The following ST6GAL1 variants were observed in gnomAD, a reference collection of about 807,000 sequenced individuals.
ST6GAL1 encodes ST6 beta-galactoside alpha-2,6-sialyltransferase 1.
ST6GAL1 carries 20 observed loss-of-function variants against 38.0 expected under a neutral mutation model. The ratio of observed to expected loss-of-function variants is 0.53; its 90% CI spans 0.37 to 0.77. ST6GAL1 has a LOEUF of 0.77. Ranked by LOEUF, ST6GAL1 falls within the 30% of genes least tolerant of loss-of-function variation. The pLI is 0.00. For missense variants in ST6GAL1, 432 were observed against 496.4 expected, an observed-to-expected ratio of 0.87 and a Z score of 1.23; for synonymous variants, 196 against 188.2, an observed-to-expected ratio of 1.04 and a Z score of -0.34.
chr3:186,982,445 T>C (rs150353501), intron 2 of ST6GAL1, among the ~76,000 whole-genome samples: 3 of 152,328 alleles, frequency 2.0e-5, no homozygotes, highest in Non-Finnish European at 4.4e-5. Flanking sequence ...AGGGGGAATA[T>C]GTATCTTCAA....
At chr3:187,070,937 A>G (rs1291630355) in intron 5 of ST6GAL1, among the ~76,000 whole-genome samples, 3 of 152,198 alleles carry the variant, frequency 2.0e-5, no homozygotes, top group Non-Finnish European at 4.4e-5. Context: ...TCTCAAAGAT[A>G]TATTGAGGAA....
intron 5 of ST6GAL1, among the ~76,000 whole-genome samples, chr3:187,063,553 A>T (rs1718992705): frequency 6.6e-6 from 1 of 152,172 alleles, no homozygotes; most frequent in African/African-American, 2.4e-5. Context: ...TGATACATGG[A>T]TGGTAGGATC....
chr3:187,049,722 G>A (rs926507522), intron 4 of ST6GAL1, among the ~76,000 whole-genome samples: 2 of 152,138 alleles, frequency 1.3e-5, no homozygotes, highest in African/African-American at 4.8e-5. Flanking sequence ...TTACTCCATT[G>A]GAGCTTCTCA....
At chr3:187,057,509 C>A (rs537001740) in intron 5 of ST6GAL1, among the ~76,000 whole-genome samples, 1 of 152,216 alleles carries the variant, frequency 6.6e-6, no homozygotes, top group South Asian at 2.1e-4. Flanking sequence ...TGATGCTATT[C>A]CTTTCTGTTT....
At chr3:186,998,391 A>G (rs1395324880) in intron 2 of ST6GAL1, among the ~76,000 whole-genome samples, 2 of 152,228 alleles carry the variant, frequency 1.3e-5, no homozygotes, top group African/African-American at 2.4e-5. Context: ...GTAATAAAGT[A>G]AGCTAGGGAA....
intron 2 of ST6GAL1, among the ~76,000 whole-genome samples, chr3:187,017,083 C>A (rs1717140423): frequency 6.6e-6 from 1 of 152,162 alleles, no homozygotes; most frequent in Non-Finnish European, 1.5e-5. Context: ...TGTGGCCCTG[C>A]CATTTCCTCA....
At chr3:187,071,622 G>C (rs750597167) in intron 5 of ST6GAL1, among the ~76,000 whole-genome samples, 2 of 151,708 alleles carry the variant, frequency 1.3e-5, no homozygotes, top group African/African-American at 4.8e-5. Context: ...TTAGCCGGGC[G>C]TGGTGGCGGG....
intron 2 of ST6GAL1, among the ~76,000 whole-genome samples, chr3:186,990,265 C>T (rs1299411661): frequency 1.3e-5 from 2 of 152,142 alleles, no homozygotes; most frequent in Admixed American, 1.3e-4. Flanking sequence ...AACTCCTGAC[C>T]TCAAGTGATC....
intron 2 of ST6GAL1, among the ~76,000 whole-genome samples, chr3:186,985,665 C>T (rs1715891234): frequency 6.6e-6 from 1 of 150,830 alleles, no homozygotes; most frequent in Non-Finnish European, 1.5e-5. Flanking sequence ...GTCCCAGCTA[C>T]TCAGGAAGCT....
chr3:186,992,710 C>T (rs567261422), intron 2 of ST6GAL1, among the ~76,000 whole-genome samples: 3 of 152,206 alleles, frequency 2.0e-5, no homozygotes, highest in South Asian at 2.1e-4. Flanking sequence ...GCAGGAGAAT[C>T]GCTTGAACCT....
chr3:187,042,965 A>G lies in ST6GAL1; in HGVS notation c.262A>G (p.Lys88Glu), dbSNP rs1323988775. The G allele has an allele frequency of 1.7e-5, 27 of 1,614,200 alleles. 1 individual carries two copies. The highest frequency in any genetic ancestry group is 2.3e-5 in the Non-Finnish European group (27 of 1,180,036). Residue 88 changes from lysine to glutamate, a missense_variant, in exon 4 of 8, where the codon AAA becomes GAA. Coordinates refer to ENST00000169298, the MANE Select transcript of ST6GAL1 (RefSeq NM_173216.2). ...CAGTCTCAGAGGCCTAGCCAAGGCC[A>G]AACCAGAGGCCTCCTTCCAGGTGTG... Reference protein sequence around the residue: ...LGSLRGLAKAKPEASFQVWNK... With the variant: ...LGSLRGLAKAEPEASFQVWNK...
At chr3:186,933,929 G>T (rs1713849112) in intron 1 of ST6GAL1, among the ~76,000 whole-genome samples, 1 of 152,224 alleles carries the variant, frequency 6.6e-6, no homozygotes, top group African/African-American at 2.4e-5. Flanking sequence ...TATCTCTGGG[G>T]ATCAGCTTTC....
intron 2 of ST6GAL1, among the ~76,000 whole-genome samples, chr3:187,015,699 T>G (rs1717092070): frequency 6.6e-6 from 1 of 151,800 alleles, no homozygotes; most frequent in African/African-American, 2.4e-5. Flanking sequence ...ATTAGATGGG[T>G]GTCGTGGTGT....
In ST6GAL1 at chr3:186,952,904, A is replaced by G. The variant is rs1440263573; in HGVS notation, c.-324-10881A>G. Among the ~76,000 whole-genome samples the G allele has an allele frequency of 1.3e-5, 2 of 152,146 alleles. No individual in the cohort carries two copies. The highest frequency in any genetic ancestry group is 2.9e-5 in the Non-Finnish European group (2 of 68,026). Reference sequence around the variant, plus strand: ...GCCATCCTCATTTCAGTGGACAACAATTTCATCTTTCCATCTTTTAGGGCT... The same window carrying G: ...GCCATCCTCATTTCAGTGGACAACAGTTTCATCTTTCCATCTTTTAGGGCT... On this transcript the variant is annotated intron_variant, in intron 1 of 7. Transcript: ENST00000169298. This position sits in a 1 kb window ranked among gnomAD's most constrained non-coding sequence, Gnocchi z 4.1.
intron 5 of ST6GAL1, among the ~76,000 whole-genome samples, chr3:187,056,736 T>A (rs1718715485): frequency 6.6e-6 from 1 of 152,202 alleles, no homozygotes; most frequent in African/African-American, 2.4e-5. Context: ...CCCTTAATAT[T>A]TTTTCCTTCA....
At chr3:186,966,650 C>G (rs1715134499) in intron 2 of ST6GAL1, among the ~76,000 whole-genome samples, 1 of 152,190 alleles carries the variant, frequency 6.6e-6, no homozygotes, top group Non-Finnish European at 1.5e-5. Context: ...TCCTTTCAAA[C>G]CCCAAGGTCT....
intron 4 of ST6GAL1, among the ~76,000 whole-genome samples, chr3:187,050,637 G>A (rs1013245739): frequency 1.3e-5 from 2 of 151,736 alleles, no homozygotes; most frequent in African/African-American, 4.8e-5. Context: ...AGAGAGGAAG[G>A]AAGTTAGTTT....
intron 2 of ST6GAL1, among the ~76,000 whole-genome samples, chr3:187,024,489 TATATAGAGAGAG>T (rs1330426330): frequency 1.2e-4 from 11 of 90,998 alleles, no homozygotes; most frequent in Non-Finnish European, 1.7e-4. Context: ...TATATATATA[TATATAGAGAGAG>T]AGAGAGAGAG....
At chr3:186,984,214 C>T (rs566141444) in intron 2 of ST6GAL1, among the ~76,000 whole-genome samples, 6 of 152,304 alleles carry the variant, frequency 3.9e-5, no homozygotes, top group Admixed American at 3.9e-4. Flanking sequence ...CACTTCTCTG[C>T]CTCCACTGCA....
Sources: gnomAD v4.1 joint callset for allele counts (sites outside exome capture counted in the v4.1 genomes callset) on GRCh38, gnomAD v4.1.1 for gene constraint, Gnocchi (gnomAD v3.1) non-coding constraint, MANE v1.5 for transcripts, NCBI Gene and HGNC (gene_info 2026-07-23, HGNC 2026-07-21) for gene names.